The following ENO4 variants were observed in gnomAD, a reference collection of about 807,000 sequenced individuals.
ENO4 encodes 2-phospho-D-glycerate hydro-lyase.
A neutral mutation model predicts 63.2 loss-of-function variants in ENO4; 53 were observed. The ratio of observed to expected loss-of-function variants is 0.84; its 90% CI spans 0.67 to 1.05. The LOEUF (loss-of-function observed/expected upper bound fraction) is 1.05, where lower values mean the gene tolerates loss of function less well. Ranked by LOEUF, ENO4 falls within the 50% of genes least tolerant of loss-of-function variation. ENO4 has a pLI of 0.00. For synonymous variants in ENO4, 266 were observed against 283.8 expected, an observed-to-expected ratio of 0.94 and a Z score of 0.63; for missense variants, 719 against 772.0, an observed-to-expected ratio of 0.93 and a Z score of 0.81.
At chr10:116,856,784 G>A (rs1371410439) in intron 3 of ENO4, 102 bp downstream of exon 3, 4 of 980,058 alleles carry the variant, frequency 4.1e-6, no homozygotes, top group African/African-American at 3.4e-5. Context: ...GGCAGATCAC[G>A]AGGTCAGGAG....
intron 10 of ENO4, among the ~76,000 whole-genome samples, chr10:116,890,395 A>G (rs1054635799): frequency 6.6e-6 from 1 of 152,196 alleles, no homozygotes; most frequent in Non-Finnish European, 1.5e-5. Flanking sequence ...TGTCAGATGA[A>G]GTGTCCAAGG....
At chr10:116,905,882 C>T (rs933256205) in intron 10 of ENO4, among the ~76,000 whole-genome samples, 13 of 152,176 alleles carry the variant, frequency 8.5e-5, no homozygotes, top group Non-Finnish European at 1.3e-4. Flanking sequence ...ACTGAAGACA[C>T]GCACAGTTAT....
chr10:116,866,840 G>C (rs563417590), intron 7 of ENO4, among the ~76,000 whole-genome samples: 1 of 151,452 alleles, frequency 6.6e-6, no homozygotes, highest in East Asian at 1.9e-4. Context: ...TGGGAGGAAC[G>C]CTGAATTGCT....
chr10:116,904,093 C>G (rs1048588800), intron 10 of ENO4, among the ~76,000 whole-genome samples: 1 of 152,218 alleles, frequency 6.6e-6, no homozygotes, highest in African/African-American at 2.4e-5. Flanking sequence ...AACTCTCAGG[C>G]TGTCTCTCTT....
intron 10 of ENO4, among the ~76,000 whole-genome samples, chr10:116,891,186 C>G (rs1270752689): frequency 2.0e-5 from 3 of 152,172 alleles, no homozygotes; most frequent in African/African-American, 4.8e-5. Flanking sequence ...AGTGAATGAA[C>G]TTTTAAGCGG....
chr10:116,874,266 CTTTTATA>C (rs1371935533), intron 10 of ENO4, 65 bp downstream of exon 10: 10 of 1,250,266 alleles, frequency 8.0e-6, no homozygotes, highest in East Asian at 2.7e-5. Context: ...CAGGACTCAC[CTTTTATA>C]TTTTATAACT....
At chr10:116,896,891 C>G (rs1341103300) in intron 10 of ENO4, among the ~76,000 whole-genome samples, 2 of 151,480 alleles carry the variant, frequency 1.3e-5, no homozygotes. Context: ...ACTGCAACCT[C>G]CACCTCCTGG....
At chr10:116,870,461 T>A (rs1300599859) in intron 8 of ENO4, among the ~76,000 whole-genome samples, 1 of 152,050 alleles carries the variant, frequency 6.6e-6, no homozygotes, top group Non-Finnish European at 1.5e-5. Flanking sequence ...GGCAACACAG[T>A]GAGACCCTGT....
chr10:116,855,539 G>A (rs969927333), intron 1 of ENO4, 84 bp from the exon 2 acceptor site: 1 of 1,492,864 alleles, frequency 6.7e-7, no homozygotes. Context: ...ACCTTTTGAA[G>A]ATAAAGTAGA....
Position 116,862,833 on chromosome 10 carries a change from T to G in ENO4, c.971T>G (p.Ile324Ser), listed in dbSNP as rs1246822257. Residue 324 changes from isoleucine (I) to serine (S), a missense_variant, in exon 7 of 14, where the codon ATC (isoleucine) becomes AGC (serine). By Grantham distance (142) the Ile-to-Ser change is moderately radical. Around this residue, in one of 3 missense-constraint regions of ENO4, gnomAD observed 544 missense variants for 583.6 expected, o/e 0.93. Coordinates refer to ENST00000341276, the MANE Select transcript of ENO4 (RefSeq NM_001242699.2). Reference protein sequence around the residue: ...VEMLMEMQKHINKIIEMPSPP... With the variant: ...VEMLMEMQKHSNKIIEMPSPP... ...ATGCTTATGGAAATGCAGAAACATA[T>G]CAACAAAATAATTGAAATGGTATGT... is the stretch of plus-strand genomic sequence containing the variant. 1.3e-6 allele frequency: 2 copies of G among 1,548,936 alleles called. No homozygotes were observed. The highest frequency in any genetic ancestry group is 1.7e-6 in the Non-Finnish European group (2 of 1,145,522).
chr10:116,883,412 C>T (rs1847079071), downstream of ENO4: 1 of 152,158 alleles, frequency 6.6e-6, no homozygotes, highest in Non-Finnish European at 1.5e-5. Flanking sequence ...AACTTCAAAC[C>T]ACTCCAATCC....
chr10:116,874,185 A>C lies in ENO4; in HGVS notation c.1325A>C (p.Asp442Ala). ...NKYPSIIALI[D>A]PFRKEDSEQW... The stretch of plus-strand genomic sequence containing the variant: ...TACCCTTCAATTATTGCCTTAATTG[A>C]TCCTTTCAGGAAGGAGGTAAGCACC... The change falls in exon 10 of 14, where the codon GAT (aspartate) becomes GCT (alanine). Residue 442 changes from aspartate to alanine, a missense_variant. Physicochemically the swap from Asp to Ala is moderately radical, Grantham distance 126. This residue lies in a region of ENO4 where 544 missense variants were observed against 583.6 expected (regional missense o/e 0.93). Transcript: ENST00000341276. The C allele has an allele frequency of 6.5e-7, 1 of 1,544,646 alleles. No homozygotes were observed.
At chr10:116,901,677 T>G (rs1847743044) in intron 10 of ENO4, 1 of 1,366,332 alleles carries the variant, frequency 7.3e-7, no homozygotes, top group African/African-American at 1.5e-5. Context: ...AATCAAAATC[T>G]CTCTAAAGGA....
At chr10:116,879,430 C>A in intron 12 of ENO4, 72 bp downstream of exon 12, 1 of 1,199,482 alleles carries the variant, frequency 8.3e-7, no homozygotes. Flanking sequence ...GAAATGCAGT[C>A]TCTGGTGGAG....
intron 9 of ENO4, 34 bp downstream of exon 9, chr10:116,871,326 T>C (rs1846689543): frequency 6.7e-7 from 1 of 1,498,080 alleles, no homozygotes; most frequent in Non-Finnish European, 9.0e-7. Flanking sequence ...CACTTCCTAT[T>C]GAGATCCATG....
chr10:116,850,414 C>T (rs749112676), intron 1 of ENO4, among the ~76,000 whole-genome samples: 83 of 152,176 alleles, frequency 5.5e-4, no homozygotes, highest in Non-Finnish European at 8.8e-4. Flanking sequence ...TCTCACCTTC[C>T]GGGTCTCTGC....
intron 1 of ENO4, among the ~76,000 whole-genome samples, chr10:116,850,529 C>T (rs1846048020): frequency 6.6e-6 from 1 of 151,958 alleles, no homozygotes; most frequent in Non-Finnish European, 1.5e-5. Flanking sequence ...GGCAGTGTGG[C>T]TGGGGCCCCT....
intron 10 of ENO4, chr10:116,900,586 G>T (rs1246824322): frequency 6.5e-7 from 1 of 1,531,558 alleles, no homozygotes; most frequent in Admixed American, 2.0e-5. Context: ...ACACACTGAA[G>T]CATTTATCAG....
At chr10:116,901,133 T>G (rs981146949) in intron 10 of ENO4, 7 of 985,262 alleles carry the variant, frequency 7.1e-6, no homozygotes, top group African/African-American at 5.2e-5. Context: ...GCAAGAGAAC[T>G]AAAGCAAAAC....
Sources: allele counts gnomAD v4.1 joint callset (sites outside exome capture counted in the v4.1 genomes callset), GRCh38; gene constraint gnomAD v4.1.1; regional missense constraint gnomAD v4.1.1; transcripts MANE v1.5; gene names NCBI Gene and HGNC (gene_info 2026-07-23, HGNC 2026-07-21).